ZFYVE1: variants seen among roughly 807,000 people sequenced by gnomAD.
ZFYVE1 encodes the protein zinc finger FYVE domain-containing protein 1.
In ZFYVE1, 30 loss-of-function variants were observed where a neutral mutation model predicts 74.4. The ratio of observed to expected loss-of-function variants is 0.40; its 90% CI spans 0.30 to 0.55. The LOEUF (loss-of-function observed/expected upper bound fraction) is 0.55, where lower values mean the gene tolerates loss of function less well. Ranked by LOEUF, ZFYVE1 falls within the 20% of genes least tolerant of loss-of-function variation. ZFYVE1 has a pLI of 0.42. For synonymous variants in ZFYVE1, 335 were observed against 385.1 expected (o/e 0.87, Z 1.52); for missense variants, 703 against 1,011.6 (o/e 0.69, Z 4.14).
intron 5 of ZFYVE1, 31 bp from the exon 6 acceptor site, chr14:72,979,000 C>G (rs200801554): frequency 6.3e-7 from 1 of 1,594,776 alleles, no homozygotes; most frequent in Non-Finnish European, 8.6e-7. Flanking sequence ...GACAATGAGA[C>G]GGCTAAAGGA....
intron 2 of ZFYVE1, among the ~76,000 whole-genome samples, chr14:73,001,824 G>A (rs991805839): frequency 2.0e-5 from 3 of 151,378 alleles, no homozygotes; most frequent in South Asian, 2.1e-4. Context: ...GGCACATGCC[G>A]GTAATCCCAG....
intron 3 of ZFYVE1, among the ~76,000 whole-genome samples, chr14:72,995,690 C>T (rs993237204): frequency 6.6e-6 from 1 of 152,164 alleles, no homozygotes; most frequent in African/African-American, 2.4e-5. Context: ...TCCTTATCTT[C>T]GAGGCACTTG....
intron 2 of ZFYVE1, among the ~76,000 whole-genome samples, chr14:73,013,676 C>A (rs1194880093): frequency 6.6e-6 from 1 of 152,190 alleles, no homozygotes; most frequent in East Asian, 1.9e-4. Flanking sequence ...CACCCTTCCC[C>A]ACCTTCAAAA....
At chr14:72,994,644 G>C (rs1476372729) in intron 3 of ZFYVE1, among the ~76,000 whole-genome samples, 1 of 152,090 alleles carries the variant, frequency 6.6e-6, no homozygotes, top group Non-Finnish European at 1.5e-5. Flanking sequence ...AGCATAAAAG[G>C]AAAGAAATTA....
chr14:72,981,771 G>T lies in ZFYVE1; in HGVS notation c.1310+18C>A. The T allele has an allele frequency of 6.2e-7, 1 of 1,611,410 alleles. No homozygotes were observed. The highest frequency in any genetic ancestry group is 8.5e-7 in the Non-Finnish European group (1 of 1,177,678). ...TCTCAAGGTATGGGGTGGGAGGTGG[G>T]GGAGCGGCCTTACTTACCCACAGCT... On this transcript the variant is annotated intron_variant, in intron 5 of 11. Transcript: ENST00000556143.
chr14:72,972,838 G>A (rs1404531820), intron 11 of ZFYVE1, among the ~76,000 whole-genome samples: 1 of 151,734 alleles, frequency 6.6e-6, no homozygotes, highest in Admixed American at 6.6e-5. Flanking sequence ...CTCCCTAGTA[G>A]CTGGGACTAC....
At chr14:72,989,578 T>C (rs1419311029) in intron 4 of ZFYVE1, among the ~76,000 whole-genome samples, 1 of 152,188 alleles carries the variant, frequency 6.6e-6, no homozygotes, top group African/African-American at 2.4e-5. Context: ...TTAATTAAAA[T>C]AACCAAATAC....
intron 2 of ZFYVE1, among the ~76,000 whole-genome samples, chr14:73,015,930 A>G (rs1463805621): frequency 6.6e-6 from 1 of 152,032 alleles, no homozygotes; most frequent in Non-Finnish European, 1.5e-5. Context: ...CATCTCAAAA[A>G]TAAATAAATA....
intron 2 of ZFYVE1, among the ~76,000 whole-genome samples, chr14:73,020,514 G>C (rs1045706160): frequency 6.6e-6 from 1 of 152,036 alleles, no homozygotes; most frequent in Non-Finnish European, 1.5e-5. Flanking sequence ...CACCACACCA[G>C]GCTAATTTTT....
intron 4 of ZFYVE1, among the ~76,000 whole-genome samples, chr14:72,992,593 T>TG (rs1301120748): frequency 1.4e-5 from 2 of 139,046 alleles, no homozygotes; most frequent in Non-Finnish European, 3.1e-5. Flanking sequence ...TTTCTACCTC[T>TG]GGGGGGAGGT....
chr14:72,980,606 C>G (rs1049543727), intron 5 of ZFYVE1, among the ~76,000 whole-genome samples: 3 of 151,946 alleles, frequency 2.0e-5, no homozygotes, highest in African/African-American at 4.8e-5. Context: ...CTCACTCTGT[C>G]GCCCAGGCTG....
At chr14:73,019,023 G>A (rs1048591525) in intron 2 of ZFYVE1, among the ~76,000 whole-genome samples, 4 of 151,856 alleles carry the variant, frequency 2.6e-5, no homozygotes, top group Admixed American at 6.6e-5. Flanking sequence ...CTAGCAGGTC[G>A]AATGTGTCCA....
At chr14:73,000,369 A>G (rs2140369867) in intron 2 of ZFYVE1, among the ~76,000 whole-genome samples, 1 of 152,216 alleles carries the variant, frequency 6.6e-6, no homozygotes, top group African/African-American at 2.4e-5. Context: ...TGGGAGGCAA[A>G]AAAGAGAGGA....
intron 2 of ZFYVE1, among the ~76,000 whole-genome samples, chr14:73,010,581 C>T (rs1476411798): frequency 2.0e-5 from 3 of 150,658 alleles, no homozygotes; most frequent in Non-Finnish European, 4.4e-5. Context: ...GCCTGGGCAA[C>T]AAGAGTGAAA....
Position 72,977,815 on chromosome 14 carries a change from C to T in ZFYVE1, c.1635+112G>A, listed in dbSNP as rs1432143089. On this transcript the variant is annotated intron_variant, in intron 8 of 11. Transcript: ENST00000556143. ...AGATCATGCCTTTCTAAACCGCCAA[C>T]ATTCTGAAATTCATGGTTAACCTTA... The T allele has an allele frequency of 2.6e-6, 3 of 1,170,368 alleles. No homozygotes were observed. The East Asian group carries it at 7.3e-5, about 28-fold the overall frequency. The allele number at this position is 1,170,368 out of a possible 1,614,324, so 72.5% of individuals were successfully genotyped here. A position where few individuals can be genotyped will look rare whatever the true frequency, so the allele number is the denominator to read the frequency against.
chr14:73,026,948 A>C lies in ZFYVE1; in HGVS notation c.-457T>G, dbSNP rs1328430072. ...CACCACTGAGAAGCTCGGCCGCAGC[A>C]AGGCGGCGTCGGGGGGCCGCAGGGC... On this transcript the variant is annotated 5_prime_UTR_variant, in exon 1 of 12. Coordinates refer to ENST00000556143, the MANE Select transcript of ZFYVE1 (RefSeq NM_021260.4). The C allele has an allele frequency of 5.0e-6, 2 of 398,472 alleles. No individual in the cohort carries two copies. The highest frequency in any genetic ancestry group is 8.8e-6 in the Non-Finnish European group (2 of 226,244). 24.7% of individuals were successfully genotyped at this position (398,472 alleles called of 1,614,324 possible).
Position 73,021,353 on chromosome 14 carries a change from A to AT in ZFYVE1, c.483+2672_483+2673insA, listed in dbSNP as rs1468335132. Among the ~76,000 whole-genome samples, 487 of 74,516 alleles carry AT rather than the reference A, an allele frequency of 6.5e-3. 9 individuals are homozygous for AT. The highest frequency in any genetic ancestry group is 0.018 in the African/African-American group (457 of 24,804). 48.9% of individuals were successfully genotyped at this position (74,516 alleles called of 152,430 possible). On this transcript the variant is annotated intron_variant, in intron 2 of 11. Coordinates refer to ENST00000556143, the MANE Select transcript of ZFYVE1 (RefSeq NM_021260.4). ...ACAGAGTGAGACTCTGTCTCAAAATAAAAATAAATAAATAAATAAATAAAT... is the reference window on the plus strand; with the variant it reads ...ACAGAGTGAGACTCTGTCTCAAAATATAAAATAAATAAATAAATAAATAAAT...
At chr14:73,001,547 T>C (rs1470287955) in intron 2 of ZFYVE1, among the ~76,000 whole-genome samples, 1 of 152,132 alleles carries the variant, frequency 6.6e-6, no homozygotes, top group Non-Finnish European at 1.5e-5. Flanking sequence ...ATTTGTAATA[T>C]TCTGTATATT....
chr14:73,005,537 C>T (rs911310795), intron 2 of ZFYVE1, among the ~76,000 whole-genome samples: 2 of 152,184 alleles, frequency 1.3e-5, no homozygotes, highest in East Asian at 1.9e-4. Context: ...AGGCCTCAGG[C>T]GAGTCCAAAA....
Sources: allele counts gnomAD v4.1 joint callset (sites outside exome capture counted in the v4.1 genomes callset), GRCh38; gene constraint gnomAD v4.1.1; transcripts MANE v1.5; gene names NCBI Gene and HGNC (gene_info 2026-07-23, HGNC 2026-07-21).